PCDHA13: variants seen among roughly 807,000 people sequenced by gnomAD.
PCDHA13 encodes protocadherin alpha-13.
A neutral mutation model predicts 64.8 loss-of-function variants in PCDHA13; 54 were observed. That is an observed-to-expected ratio of 0.83 (90% CI 0.67 to 1.04). The LOEUF (loss-of-function observed/expected upper bound fraction) is 1.04, where lower values mean the gene tolerates loss of function less well. Ranked by LOEUF, PCDHA13 falls within the 50% of genes least tolerant of loss-of-function variation. The probability of loss-of-function intolerance (pLI) is 0.00; values close to 1 mark genes in which losing one functional copy is unlikely to be tolerated. For missense variants in PCDHA13, 1,248 were observed against 1,254.3 expected (o/e 0.99, Z 0.08); for synonymous variants, 587 against 564.4 (o/e 1.04, Z -0.57).
chr5:140,945,709 G>C (rs1033770128), intron 1 of PCDHA13, among the ~76,000 whole-genome samples: 4 of 151,930 alleles, frequency 2.6e-5, no homozygotes, highest in Admixed American at 1.3e-4. Flanking sequence ...TGCAACAAAA[G>C]TATCAAGAAT....
chr5:140,922,098 A>G (rs1193331436), intron 1 of PCDHA13, among the ~76,000 whole-genome samples: 2 of 152,176 alleles, frequency 1.3e-5, no homozygotes, highest in Non-Finnish European at 2.9e-5. Context: ...TCTACCAACT[A>G]TAGATAAATG....
intron 3 of PCDHA13, among the ~76,000 whole-genome samples, chr5:140,983,854 T>C (rs1554245766): frequency 6.6e-6 from 1 of 152,206 alleles, no homozygotes; most frequent in Admixed American, 6.5e-5. Flanking sequence ...TTAAGTAACA[T>C]GCAGCTAAGG....
At position 141,010,354 on chromosome 5, in the gene PCDHA13, C is replaced by A. The variant is rs1359778786; in HGVS notation, c.*417C>A. On this transcript the variant is annotated 3_prime_UTR_variant, in exon 4 of 4. Coordinates refer to ENST00000289272, the MANE Select transcript of PCDHA13 (RefSeq NM_018904.3). ...GTTTGTGGCCACTGGGTATGTGTGG[C>A]TACCGCGGGTATGCGAGTGCCAGAT... The A allele has an allele frequency of 2.0e-6, 3 of 1,506,078 alleles. No homozygotes were observed. The highest frequency in any genetic ancestry group is 4.4e-5 in the Admixed American group (2 of 45,166). 93.3% of individuals were successfully genotyped at this position (1,506,078 alleles called of 1,614,324 possible).
At chr5:140,981,629 G>A (rs1342775971) in intron 2 of PCDHA13, among the ~76,000 whole-genome samples, 1 of 151,994 alleles carries the variant, frequency 6.6e-6, no homozygotes. Flanking sequence ...GGTTTTCTTG[G>A]ACATTTTCTC....
chr5:140,908,626 T>A (rs1162805222), intron 1 of PCDHA13, among the ~76,000 whole-genome samples: 3 of 152,020 alleles, frequency 2.0e-5, no homozygotes, highest in African/African-American at 4.8e-5. Context: ...ATCCTTGAGG[T>A]CTCCACTGTG....
chr5:140,897,727 T>G (rs1468942464), intron 1 of PCDHA13, among the ~76,000 whole-genome samples: 1 of 152,148 alleles, frequency 6.6e-6, no homozygotes, highest in Non-Finnish European at 1.5e-5. Context: ...CTGGGTCAAA[T>G]AGTATTTCTA....
rs782122682 is a variant in PCDHA13, at chr5:140,882,565, C to A, written c.297C>A (p.Ser99Arg). ...ACCGCGAGGAGCTGTGTGGGCGGAGCGCGGAGTGCAGCATCCACCTGGAGG... is the reference window on the plus strand; with the variant it reads ...ACCGCGAGGAGCTGTGTGGGCGGAGAGCGGAGTGCAGCATCCACCTGGAGG... ...RIDREELCGRSAECSIHLEVI... is the reference protein window; with the variant it reads ...RIDREELCGRRAECSIHLEVI... The change falls in exon 1 of 4, where the codon AGC becomes AGA. Residue 99 changes from serine to arginine, a missense_variant. Coordinates refer to ENST00000289272, the MANE Select transcript of PCDHA13 (RefSeq NM_018904.3). The A allele has an allele frequency of 5.6e-6, 9 of 1,614,118 alleles. No individual in the cohort carries two copies. The highest frequency in any genetic ancestry group is 2.7e-5 in the African/African-American group (2 of 74,942).
chr5:140,896,486 C>T (rs2065571972), intron 1 of PCDHA13, among the ~76,000 whole-genome samples: 2 of 151,948 alleles, frequency 1.3e-5, no homozygotes, highest in African/African-American at 4.8e-5. Context: ...CCTCAGCCTC[C>T]TGAGTAGCTG....
rs374310903 is a variant in PCDHA13 at position 140,968,575 on chromosome 5, G to A, written c.2395-10374G>A. 16 of 1,614,016 alleles carry A rather than the reference G, an allele frequency of 9.9e-6. No homozygotes were observed. In the African/African-American group the frequency reaches 2.1e-4, roughly 22 times the overall value. ...CTCGAACTGCCCCTGCTGGCTACCT[G>A]GTCACCAAAGTCATAGCTATGGACT... On this transcript the variant is annotated intron_variant, in intron 1 of 3. Transcript: ENST00000289272.
intron 3 of PCDHA13, among the ~76,000 whole-genome samples, chr5:140,993,418 C>A (rs59434300): frequency 6.6e-5 from 10 of 151,302 alleles, no homozygotes; most frequent in Non-Finnish European, 1.5e-4. Context: ...ATCAGCATTT[C>A]TCTTTTAAAA....
intron 1 of PCDHA13, among the ~76,000 whole-genome samples, chr5:140,896,002 G>A (rs1485647299): frequency 1.3e-5 from 2 of 152,082 alleles, no homozygotes; most frequent in Non-Finnish European, 2.9e-5. Flanking sequence ...GTAGAGACAG[G>A]GTTTCTCCAT....
At chr5:140,917,637 A>T (rs1257346290) in intron 1 of PCDHA13, among the ~76,000 whole-genome samples, 1 of 152,192 alleles carries the variant, frequency 6.6e-6, no homozygotes, top group Non-Finnish European at 1.5e-5. Context: ...TTAGCTAGTT[A>T]TCCCAGCAAT....
intron 1 of PCDHA13, among the ~76,000 whole-genome samples, chr5:140,970,569 C>T (rs1346474165): frequency 3.9e-5 from 6 of 152,038 alleles, no homozygotes; most frequent in African/African-American, 1.4e-4. Flanking sequence ...CATATGTATG[C>T]TTGAAATAAC....
intron 1 of PCDHA13, among the ~76,000 whole-genome samples, chr5:140,971,869 A>G (rs1277835883): frequency 1.3e-5 from 2 of 152,182 alleles, no homozygotes; most frequent in Non-Finnish European, 2.9e-5. Flanking sequence ...AACATCTAGC[A>G]TATGAGGAAA....
intron 1 of PCDHA13, among the ~76,000 whole-genome samples, chr5:140,939,650 A>G (rs1203077314): frequency 1.3e-5 from 2 of 152,228 alleles, no homozygotes; most frequent in African/African-American, 2.4e-5. Flanking sequence ...GAAAACTTCA[A>G]TAACAGGAAT....
chr5:140,990,825 AAGCCTATTAGCAAAAATAG>A (rs2097418390), intron 3 of PCDHA13, among the ~76,000 whole-genome samples: 1 of 152,202 alleles, frequency 6.6e-6, no homozygotes, highest in Non-Finnish European at 1.5e-5. Flanking sequence ...CTCTCAGCTA[AAGCCTATTAGCAAAAATAG>A]AGCCCTGAGG....
chr5:140,969,483 G>T (rs531496681), intron 1 of PCDHA13: 15 of 1,462,254 alleles, frequency 1.0e-5, no homozygotes, highest in Non-Finnish European at 1.3e-5. Context: ...ATCATAATCT[G>T]CTATTTCCTC....
chr5:140,914,159 G>A (rs1193212496), intron 1 of PCDHA13, among the ~76,000 whole-genome samples: 3 of 152,088 alleles, frequency 2.0e-5, no homozygotes, highest in African/African-American at 4.8e-5. Flanking sequence ...TGTCCAATAC[G>A]GAAAGTGGGG....
rs191251073 is a variant in PCDHA13, at chr5:140,928,748, G to C, written c.2394+44086G>C. ...ATTTCAGCCAATATAGGTGAGCTCCGTACTGCTCGCTTAGTTCTTCCCACT... is the reference window on the plus strand; with the variant it reads ...ATTTCAGCCAATATAGGTGAGCTCCCTACTGCTCGCTTAGTTCTTCCCACT... On this transcript the variant is annotated intron_variant, in intron 1 of 3. Coordinates refer to ENST00000289272, the MANE Select transcript of PCDHA13 (RefSeq NM_018904.3). The C allele has an allele frequency of 1.9e-6, 3 of 1,614,114 alleles. No individual in the cohort carries two copies. In the Admixed American group the frequency reaches 5.0e-5, roughly 27 times the overall value.
Sources: gnomAD v4.1 joint callset for allele counts (sites outside exome capture counted in the v4.1 genomes callset) on GRCh38, gnomAD v4.1.1 for gene constraint, MANE v1.5 for transcripts, NCBI Gene and HGNC (gene_info 2026-07-23, HGNC 2026-07-21) for gene names.